Variants in TMEM132C observed in about 807,000 individuals in gnomAD.
TMEM132C encodes protein phosphatase 1, regulatory subunit 152.
TMEM132C carries 29 observed loss-of-function variants against 61.4 expected under a neutral mutation model. The ratio of observed to expected loss-of-function variants is 0.47; its 90% CI spans 0.35 to 0.64. TMEM132C has a LOEUF of 0.64. Among genes scored for constraint, TMEM132C ranks in the 30% least tolerant of loss-of-function variants. TMEM132C has a pLI of 0.00. For missense variants in TMEM132C, 1,408 were observed against 1,476.9 expected (o/e 0.95, Z 0.76); for synonymous variants, 656 against 633.1 (o/e 1.04, Z -0.54).
In TMEM132C at chr12:128,706,510, G is replaced by T. The variant is rs956013476; in HGVS notation, c.*215G>T. 1.2e-5 allele frequency: 7 copies of T among 584,924 alleles called. No individual in the cohort carries two copies. The highest frequency in any genetic ancestry group is 1.9e-5 in the Non-Finnish European group (7 of 371,180). The allele number at this position is 584,924 out of a possible 1,614,324, so 36.2% of individuals were successfully genotyped here. On this transcript the variant is annotated 3_prime_UTR_variant, in exon 9 of 9. Transcript: ENST00000435159. ...GATTTTTAAAGGTCAGGGGAATAAAGTCTGGGGCATGGGGAGTGCAGACCA... is the reference window on the plus strand; with the variant it reads ...GATTTTTAAAGGTCAGGGGAATAAATTCTGGGGCATGGGGAGTGCAGACCA...
chr12:128,619,615 C>A (rs1188287969), intron 4 of TMEM132C, among the ~76,000 whole-genome samples: 1 of 152,214 alleles, frequency 6.6e-6, no homozygotes, highest in African/African-American at 2.4e-5. Flanking sequence ...AGTCTTAGCT[C>A]CACGACCCTC....
In TMEM132C at chr12:128,607,622, T is replaced by C. The variant is rs1292566119; in HGVS notation, c.1122-8530T>C. On this transcript the variant is annotated intron_variant, in intron 3 of 8. Coordinates refer to ENST00000435159, the MANE Select transcript of TMEM132C (RefSeq NM_001136103.3). ...TGTTTTCAAGATAATCCTGTTGGAC[T>C]AGGTGTGGCATGTGAAAGAAAGAGA... Among the ~76,000 whole-genome samples, 5 of 152,318 alleles carry C rather than the reference T, an allele frequency of 3.3e-5. 1 individual carries two copies. Among genetic ancestry groups the C allele is most frequent in the Non-Finnish European group, 4.4e-5 (3 of 68,028 alleles).
intron 2 of TMEM132C, among the ~76,000 whole-genome samples, chr12:128,420,795 A>T (rs980917599): frequency 2.6e-5 from 4 of 152,222 alleles, no homozygotes; most frequent in African/African-American, 9.6e-5. Flanking sequence ...CATTCCTGTG[A>T]TGGAAAGCCT....
rs149536052 is a variant in TMEM132C, at chr12:128,616,497, C to G, written c.1305+162C>G. Among the ~76,000 whole-genome samples the G allele has an allele frequency of 1.2e-3, 190 of 152,308 alleles. 1 individual carries two copies. The highest frequency in any genetic ancestry group is 1.6e-4 in the Non-Finnish European group (11 of 68,038). ...CCTGGAAGTTGTTACTTTTCATGAG[C>G]CTGGCCTTTCTCAACTTTAGTCATG... On this transcript the variant is annotated intron_variant, in intron 4 of 8. Transcript: ENST00000435159.
chr12:128,349,395 G>T (rs1168963183), intron 1 of TMEM132C, among the ~76,000 whole-genome samples: 1 of 152,160 alleles, frequency 6.6e-6, no homozygotes, highest in Non-Finnish European at 1.5e-5. Context: ...GTGGCCCTTG[G>T]CATGCCACCA....
At chr12:128,443,263 TGGA>T (rs1181007693) in intron 2 of TMEM132C, among the ~76,000 whole-genome samples, 6 of 151,812 alleles carry the variant, frequency 4.0e-5, no homozygotes, top group Non-Finnish European at 4.4e-5. Context: ...ATTGGGGACT[TGGA>T]GGGGGAAGGC....
At chr12:128,476,808 CA>C (rs1341354413) in intron 2 of TMEM132C, among the ~76,000 whole-genome samples, 3 of 150,044 alleles carry the variant, frequency 2.0e-5, no homozygotes, top group African/African-American at 7.5e-5. Context: ...ATGTATTGCA[CA>C]GCTAGATTTG....
intron 1 of TMEM132C, among the ~76,000 whole-genome samples, chr12:128,377,880 G>A (rs1469073443): frequency 6.6e-6 from 1 of 152,122 alleles, no homozygotes; most frequent in Non-Finnish European, 1.5e-5. Context: ...CTTCCCCAGG[G>A]CTGGCCGAGT....
At chr12:128,337,794 C>T (rs899376858) in intron 1 of TMEM132C, among the ~76,000 whole-genome samples, 2 of 152,216 alleles carry the variant, frequency 1.3e-5, no homozygotes, top group African/African-American at 2.4e-5. Context: ...CTCTGTCAGA[C>T]CTTTTTATCC....
At chr12:128,523,666 T>C (rs1872982466) in intron 2 of TMEM132C, among the ~76,000 whole-genome samples, 1 of 152,012 alleles carries the variant, frequency 6.6e-6, no homozygotes, top group Non-Finnish European at 1.5e-5. Flanking sequence ...CTTTCCCTAT[T>C]ACCATGTCAG....
At chr12:128,694,673 C>A (rs1954744961) in intron 6 of TMEM132C, among the ~76,000 whole-genome samples, 1 of 152,152 alleles carries the variant, frequency 6.6e-6, no homozygotes, top group Non-Finnish European at 1.5e-5. Context: ...CCCCAGGCAC[C>A]AGGGCCTTTC....
At chr12:128,376,675 T>G (rs1370947494) in intron 1 of TMEM132C, among the ~76,000 whole-genome samples, 1 of 152,206 alleles carries the variant, frequency 6.6e-6, no homozygotes, top group African/African-American at 2.4e-5. Context: ...GTTACATGAA[T>G]GAATGTTATT....
At chr12:128,618,872 G>A (rs889281755) in intron 4 of TMEM132C, among the ~76,000 whole-genome samples, 6 of 152,076 alleles carry the variant, frequency 3.9e-5, no homozygotes, top group East Asian at 3.8e-4. Context: ...CAGTATCACC[G>A]TTTTGCATCC....
intron 2 of TMEM132C, among the ~76,000 whole-genome samples, chr12:128,542,859 CAAAAAAAAAAAAA>C (rs59362697): frequency 1.2e-5 from 1 of 81,556 alleles, no homozygotes; most frequent in South Asian, 4.1e-4. Context: ...TACTTCGATG[CAAAAAAAAAAAAA>C]AAAAAAAAAA....
chr12:128,298,875 T>G (rs985642947), intron 1 of TMEM132C, among the ~76,000 whole-genome samples: 1 of 152,240 alleles, frequency 6.6e-6, no homozygotes, highest in Non-Finnish European at 1.5e-5. Context: ...TGCAGATATG[T>G]GCTCATACAT....
At chr12:128,629,901 G>A (rs1184031949) in intron 4 of TMEM132C, among the ~76,000 whole-genome samples, 1 of 151,024 alleles carries the variant, frequency 6.6e-6, no homozygotes, top group African/African-American at 2.4e-5. Context: ...GGGAGGCAGA[G>A]GTTGCAGTGA....
intron 4 of TMEM132C, among the ~76,000 whole-genome samples, chr12:128,654,116 T>C (rs1395906083): frequency 6.6e-6 from 1 of 152,262 alleles, no homozygotes; most frequent in Non-Finnish European, 1.5e-5. Context: ...GCTGAAGTCC[T>C]AATCCTCAGT....
chr12:128,301,931 T>G (rs1270515367), intron 1 of TMEM132C, among the ~76,000 whole-genome samples: 1 of 152,128 alleles, frequency 6.6e-6, no homozygotes, highest in Admixed American at 6.5e-5. Flanking sequence ...GAGAGCCAAG[T>G]GAAAGAGGAA....
At chr12:128,448,391 G>A (rs1054513658) in intron 2 of TMEM132C, among the ~76,000 whole-genome samples, 22 of 152,306 alleles carry the variant, frequency 1.4e-4, no homozygotes, top group Middle Eastern at 3.4e-3. Context: ...TCATTTGTCT[G>A]AGGTCAACTG....
Sources: allele counts gnomAD v4.1 joint callset (sites outside exome capture counted in the v4.1 genomes callset), GRCh38; gene constraint gnomAD v4.1.1; transcripts MANE v1.5; gene names NCBI Gene and HGNC (gene_info 2026-07-23, HGNC 2026-07-21).